The following ANO4 variants were observed in gnomAD, a reference collection of about 807,000 sequenced individuals.
ANO4 encodes anoctamin 4.
In ANO4, 69 loss-of-function variants were observed where a neutral mutation model predicts 141.9. That is an observed-to-expected ratio of 0.49 (90% CI 0.40 to 0.59). The LOEUF (loss-of-function observed/expected upper bound fraction) is 0.59, where lower values mean the gene tolerates loss of function less well. Among genes scored for constraint, ANO4 ranks in the 20% least tolerant of loss-of-function variants. The pLI, the probability that ANO4 is intolerant of heterozygous loss-of-function variation, is 0.00. For synonymous variants in ANO4, 350 were observed against 394.3 expected, an observed-to-expected ratio of 0.89 and a Z score of 1.33; for missense variants, 894 against 1,162.2, an observed-to-expected ratio of 0.77 and a Z score of 3.36.
intron 5 of ANO4, among the ~76,000 whole-genome samples, chr12:100,956,465 C>T (rs1194915470): frequency 7.2e-5 from 11 of 152,166 alleles, no homozygotes; most frequent in African/African-American, 2.2e-4. Flanking sequence ...GTCCAGCAGG[C>T]AGGAAAGAAA....
Position 100,942,359 on chromosome 12 carries a change from C to T in ANO4, c.298-18C>T. 6.2e-7 allele frequency: 1 copy of T among 1,608,200 alleles called. No homozygotes were observed. Among genetic ancestry groups the T allele is most frequent in the Admixed American group, 1.7e-5 (1 of 58,628 alleles). ...TTTGATGAATGACTTAAACTGGTCC[C>T]TTTCTCTTTGTGTGCAGACAGTGCC... is the stretch of plus-strand genomic sequence containing the variant. On this transcript the variant is annotated intron_variant, in intron 4 of 27. Coordinates refer to ENST00000392977, the MANE Select transcript of ANO4 (RefSeq NM_001286615.2).
intron 14 of ANO4, among the ~76,000 whole-genome samples, chr12:101,067,821 A>C (rs186745203): frequency 2.6e-5 from 4 of 152,378 alleles, no homozygotes; most frequent in Admixed American, 6.5e-5. Flanking sequence ...GAATCTGTCC[A>C]AATGACAATT....
intron 2 of ANO4, among the ~76,000 whole-genome samples, chr12:100,913,066 A>G (rs2041184901): frequency 6.6e-6 from 1 of 152,108 alleles, no homozygotes; most frequent in African/African-American, 2.4e-5. Flanking sequence ...CCTTGCTATC[A>G]TTTGCTGAGT....
At chr12:100,983,637 T>A (rs2044581607) in intron 7 of ANO4, among the ~76,000 whole-genome samples, 1 of 152,214 alleles carries the variant, frequency 6.6e-6, no homozygotes. Context: ...GCCTCCTAGC[T>A]CTTTTCATCT....
At chr12:101,002,864 A>G (rs2045709451) in intron 8 of ANO4, among the ~76,000 whole-genome samples, 1 of 152,222 alleles carries the variant, frequency 6.6e-6, no homozygotes, top group Admixed American at 6.5e-5. Context: ...AAGGGAAACC[A>G]TATCCTCAGC....
chr12:100,853,708 A>T (rs1046494191), intron 1 of ANO4, among the ~76,000 whole-genome samples: 3 of 152,218 alleles, frequency 2.0e-5, no homozygotes, highest in Admixed American at 6.5e-5. Context: ...TGACCTATTA[A>T]CTTCCAATGT....
Position 101,099,563 on chromosome 12 carries a change from G to C in ANO4, c.2007-15G>C, listed in dbSNP as rs768465821. 2 of 1,579,262 alleles carry C rather than the reference G, an allele frequency of 1.3e-6. No homozygotes were observed. The highest frequency in any genetic ancestry group is 1.4e-5 in the African/African-American group (1 of 72,766). ...TCAGTTACATTTTTTGTAAGAAATTGATCTTTTTGCCCAGGTTAATTCAGA... is the reference window on the plus strand; with the variant it reads ...TCAGTTACATTTTTTGTAAGAAATTCATCTTTTTGCCCAGGTTAATTCAGA... On this transcript the variant is annotated splice_polypyrimidine_tract_variant and intron_variant, in intron 21 of 27. Transcript: ENST00000392977.
intron 1 of ANO4, among the ~76,000 whole-genome samples, chr12:100,824,695 G>A (rs562775748): frequency 6.4e-4 from 98 of 152,038 alleles, no homozygotes; most frequent in Non-Finnish European, 1.1e-3. Context: ...TTGGCAGCCA[G>A]TGGGGAAGAT....
At chr12:101,120,793 T>A (rs1449726256) in intron 26 of ANO4, among the ~76,000 whole-genome samples, 168 bp downstream of exon 26, 4 of 152,226 alleles carry the variant, frequency 2.6e-5, no homozygotes, top group Admixed American at 2.6e-4. Flanking sequence ...ATTGAAGTAT[T>A]TGATTTTTCC....
chr12:100,920,630 G>A (rs2041587700), intron 2 of ANO4, among the ~76,000 whole-genome samples: 2 of 152,172 alleles, frequency 1.3e-5, no homozygotes, highest in African/African-American at 4.8e-5. Flanking sequence ...CTCATAAGTA[G>A]CTTCAGACTT....
intron 3 of ANO4, among the ~76,000 whole-genome samples, chr12:100,922,746 ACTT>A (rs1339269613): frequency 2.0e-5 from 3 of 152,126 alleles, no homozygotes; most frequent in Non-Finnish European, 2.9e-5. Flanking sequence ...GAAATCAGGA[ACTT>A]CTTCTCCAAA....
chr12:100,934,366 G>C (rs1049253422), intron 3 of ANO4, among the ~76,000 whole-genome samples: 4 of 152,028 alleles, frequency 2.6e-5, no homozygotes, highest in Non-Finnish European at 5.9e-5. Context: ...TCCTTTCTGC[G>C]TTTCTTGTTT....
At chr12:100,771,631 A>AG (rs1396530239) in intron 3 of ANO4, among the ~76,000 whole-genome samples, 3 of 152,158 alleles carry the variant, frequency 2.0e-5, no homozygotes, top group East Asian at 1.9e-4. Flanking sequence ...GAGAAGGGAG[A>AG]GGGGAAGGGA....
intron 24 of ANO4, among the ~76,000 whole-genome samples, chr12:101,115,997 G>C (rs1308637860): frequency 6.6e-6 from 1 of 152,158 alleles, no homozygotes; most frequent in Non-Finnish European, 1.5e-5. Flanking sequence ...TAGTACAAGC[G>C]ATCTGGTAAT....
intron 7 of ANO4, 122 bp downstream of exon 7, chr12:100,975,011 T>C: frequency 8.8e-7 from 1 of 1,141,476 alleles, no homozygotes; most frequent in South Asian, 1.3e-5. Flanking sequence ...TTGGCTGCCA[T>C]GCACATTTTA....
At chr12:100,979,429 G>A (rs987077119) in intron 7 of ANO4, among the ~76,000 whole-genome samples, 1 of 152,112 alleles carries the variant, frequency 6.6e-6, no homozygotes, top group African/African-American at 2.4e-5. Flanking sequence ...CTGTGCTGAT[G>A]TTACTGATCC....
At chr12:100,739,511 T>C (rs1357573955) in intron 2 of ANO4, among the ~76,000 whole-genome samples, 3 of 152,212 alleles carry the variant, frequency 2.0e-5, no homozygotes, top group Non-Finnish European at 4.4e-5. Flanking sequence ...AGTCCCCTTG[T>C]ACAATTGCTG....
At chr12:101,031,561 A>C (rs1168095528) in intron 9 of ANO4, among the ~76,000 whole-genome samples, 4 of 152,196 alleles carry the variant, frequency 2.6e-5, no homozygotes, top group African/African-American at 9.6e-5. Context: ...TACTCATCAT[A>C]GTATTGGAAG....
intron 5 of ANO4, among the ~76,000 whole-genome samples, chr12:100,966,926 C>T (rs942517360): frequency 1.3e-5 from 2 of 151,592 alleles, no homozygotes; most frequent in Non-Finnish European, 2.9e-5. Context: ...TATGCATACA[C>T]ACTCCTTTGA....
Sources: gnomAD v4.1 joint callset for allele counts (sites outside exome capture counted in the v4.1 genomes callset) on GRCh38, gnomAD v4.1.1 for gene constraint, MANE v1.5 for transcripts, NCBI Gene and HGNC (gene_info 2026-07-23, HGNC 2026-07-21) for gene names.